DIP2B: variants seen among roughly 807,000 people sequenced by gnomAD.
DIP2B encodes DIP2 acetate--CoA ligase B (putative).
Under a neutral mutation model 198.0 loss-of-function variants are expected in DIP2B, and 76 were observed. The ratio of observed to expected loss-of-function variants is 0.38; its 90% CI spans 0.32 to 0.46. The LOEUF is 0.46. Ranked by LOEUF, DIP2B falls within the 20% of genes least tolerant of loss-of-function variation. The probability of loss-of-function intolerance (pLI) is 0.99; values close to 1 mark genes in which losing one functional copy is unlikely to be tolerated. For synonymous variants in DIP2B, 701 were observed against 739.1 expected (o/e 0.95, Z 0.84); for missense variants, 1,559 against 1,978.4 (o/e 0.79, Z 4.02).
intron 23 of DIP2B, among the ~76,000 whole-genome samples, chr12:50,716,958 C>T (rs1386192740): frequency 2.4e-3 from 141 of 58,912 alleles, no homozygotes; most frequent in South Asian, 5.0e-3. Flanking sequence ...CGAATTGTTG[C>T]TTTTTTTTTT....
chr12:50,573,629 ATTT>A (rs1382147849), intron 1 of DIP2B, among the ~76,000 whole-genome samples: 2 of 152,190 alleles, frequency 1.3e-5, no homozygotes, highest in Admixed American at 6.6e-5. Flanking sequence ...TTTCAGGGCA[ATTT>A]TATTTTTCTA....
At chr12:50,734,966 G>T in intron 33 of DIP2B, 107 bp from the exon 34 acceptor site, 2 of 1,372,120 alleles carry the variant, frequency 1.5e-6, no homozygotes, top group Non-Finnish European at 2.1e-6. Context: ...TGTAGTATGA[G>T]GAAGAGAGAC....
chr12:50,734,246 A>C, intron 33 of DIP2B, 50 bp downstream of exon 33: 1 of 1,593,872 alleles, frequency 6.3e-7, no homozygotes, highest in Non-Finnish European at 8.6e-7. Context: ...TAAGCATAAC[A>C]AATTCGGAAC....
intron 1 of DIP2B, among the ~76,000 whole-genome samples, chr12:50,592,380 T>G (rs1958827330): frequency 6.6e-6 from 1 of 151,956 alleles, no homozygotes; most frequent in Non-Finnish European, 1.5e-5. Flanking sequence ...TTCATGTTGT[T>G]GCCTAGGGTC....
In DIP2B at chr12:50,706,519, A is replaced by T; in HGVS notation, c.2407-19A>T. On this transcript the variant is annotated intron_variant, in intron 20 of 37. Transcript: ENST00000301180. ...TATTTAAATCATGGAAATCAAGGTA[A>T]ATCATCATTACCTTTCAGGGTAGTT... is the stretch of plus-strand genomic sequence containing the variant. The T allele has an allele frequency of 1.2e-6, 2 of 1,612,162 alleles. No individual in the cohort carries two copies. Among genetic ancestry groups the T allele is most frequent in the South Asian group, 2.2e-5 (2 of 90,848 alleles).
intron 1 of DIP2B, among the ~76,000 whole-genome samples, chr12:50,550,805 C>T (rs1958421127): frequency 6.6e-6 from 1 of 152,144 alleles, no homozygotes; most frequent in South Asian, 2.1e-4. Flanking sequence ...CATTCAGCTA[C>T]AGATTTAAGG....
At chr12:50,632,728 G>A (rs1291997844) in intron 2 of DIP2B, among the ~76,000 whole-genome samples, 2 of 151,404 alleles carry the variant, frequency 1.3e-5, no homozygotes, top group East Asian at 2.0e-4. Context: ...GTAGAGACAA[G>A]GTTTCACCAT....
chr12:50,718,787 G>T lies in DIP2B; in HGVS notation c.2930G>T (p.Gly977Val), dbSNP rs770292305. The T allele has an allele frequency of 1.2e-6, 2 of 1,614,202 alleles. No homozygotes were observed. The highest frequency in any genetic ancestry group is 2.2e-5 in the South Asian group (2 of 91,080). ...GCACAAGCTGCTGGAAGGGATCTGG[G>T]ACAAATAGAAGAGAATGATTTGGTG... ...RIAQAAGRDLGQIEENDLVRK... is the reference protein window; with the variant it reads ...RIAQAAGRDLVQIEENDLVRK... Residue 977 changes from glycine to valine, a missense_variant, in exon 24 of 38, where the codon GGA becomes GTA. By Grantham distance (109) the Gly-to-Val change is moderately radical. Transcript: ENST00000301180.
chr12:50,734,026 G>A, intron 32 of DIP2B, 109 bp from the exon 33 acceptor site: 1 of 1,178,464 alleles, frequency 8.5e-7, no homozygotes, highest in African/African-American at 1.5e-5. Flanking sequence ...GAGGAGAGGT[G>A]AAAAGAGTGT....
At chr12:50,735,446 G>T (rs552333451) in intron 34 of DIP2B, among the ~76,000 whole-genome samples, 269 of 137,846 alleles carry the variant, frequency 2.0e-3, no homozygotes, top group Middle Eastern at 3.9e-3. Context: ...TTTTTTCATG[G>T]TTTTTTTTGT....
At chr12:50,522,399 C>T (rs1264213136) in intron 1 of DIP2B, among the ~76,000 whole-genome samples, 2 of 152,176 alleles carry the variant, frequency 1.3e-5, no homozygotes, top group African/African-American at 2.4e-5. Context: ...GAACCTATCC[C>T]AGCAGCTCAG....
At chr12:50,744,381 C>CAT (rs145755814) in intron 37 of DIP2B, among the ~76,000 whole-genome samples, 4,452 of 150,942 alleles carry the variant, frequency 0.029, 217 homozygotes, top group African/African-American at 0.1. Flanking sequence ...AGATGTCTCT[C>CAT]ATATATATAT....
chr12:50,711,702 C>T (rs1266751559), intron 22 of DIP2B, among the ~76,000 whole-genome samples: 4 of 152,178 alleles, frequency 2.6e-5, no homozygotes, highest in South Asian at 2.1e-4. Flanking sequence ...GCTGGGATTA[C>T]GGGCACTCGC....
intron 4 of DIP2B, among the ~76,000 whole-genome samples, chr12:50,661,979 G>C (rs2139513171): frequency 6.6e-6 from 1 of 152,268 alleles, no homozygotes; most frequent in East Asian, 1.9e-4. Flanking sequence ...TGCCTGAGGG[G>C]AATTCACGAA....
intron 15 of DIP2B, 50 bp downstream of exon 15, chr12:50,695,410 G>A: frequency 6.6e-7 from 1 of 1,519,286 alleles, no homozygotes; most frequent in Non-Finnish European, 9.1e-7. Context: ...TTTGAATTAA[G>A]ATTTCAGGGA....
intron 2 of DIP2B, among the ~76,000 whole-genome samples, chr12:50,632,605 C>T (rs529353452): frequency 2.7e-5 from 4 of 150,912 alleles, no homozygotes; most frequent in Non-Finnish European, 5.9e-5. Context: ...GGCGTGATCT[C>T]GGCTCACTGC....
At chr12:50,527,559 T>C (rs770492030) in intron 1 of DIP2B, among the ~76,000 whole-genome samples, 5 of 152,178 alleles carry the variant, frequency 3.3e-5, no homozygotes, top group African/African-American at 4.8e-5. Context: ...GAGGATTGCT[T>C]GAGGCCAGGA....
intron 29 of DIP2B, 68 bp from the exon 30 acceptor site, chr12:50,728,480 G>A (rs2139594708): frequency 2.0e-6 from 3 of 1,538,336 alleles, no homozygotes; most frequent in Admixed American, 1.9e-5. Flanking sequence ...CCTCAAAGCT[G>A]TCGTCAGAGC....
At chr12:50,707,146 A>G (rs1446535641) in intron 21 of DIP2B, among the ~76,000 whole-genome samples, 1 of 152,192 alleles carries the variant, frequency 6.6e-6, no homozygotes, top group East Asian at 1.9e-4. Flanking sequence ...AGTCAATTAG[A>G]TATCTTTTTT....
Sources: gnomAD v4.1 joint callset for allele counts (sites outside exome capture counted in the v4.1 genomes callset) on GRCh38, gnomAD v4.1.1 for gene constraint, MANE v1.5 for transcripts, NCBI Gene and HGNC (gene_info 2026-07-23, HGNC 2026-07-21) for gene names.